The following USP25 variants were observed in gnomAD, a reference collection of about 807,000 sequenced individuals.
USP25 encodes ubiquitin carboxyl-terminal hydrolase 25.
In USP25, 85 loss-of-function variants were observed where a neutral mutation model predicts 158.5. That is an observed-to-expected ratio of 0.54 (90% confidence interval 0.45 to 0.64). USP25 has a LOEUF of 0.64. Ranked by LOEUF, USP25 falls within the 30% of genes least tolerant of loss-of-function variation. The pLI, the probability that USP25 is intolerant of heterozygous loss-of-function variation, is 0.00. For synonymous variants in USP25, 464 were observed against 460.4 expected, an observed-to-expected ratio of 1.01 and a Z score of -0.10; for missense variants, 1,242 against 1,327.3, an observed-to-expected ratio of 0.94 and a Z score of 1.00.
intron 14 of USP25, among the ~76,000 whole-genome samples, chr21:15,827,519 A>G (rs575328461): frequency 5.3e-5 from 8 of 152,344 alleles, no homozygotes; most frequent in African/African-American, 1.9e-4. Flanking sequence ...ATGTCATACA[A>G]TATCAATGTT....
chr21:15,825,593 T>C (rs1229620690), intron 12 of USP25, among the ~76,000 whole-genome samples: 1 of 152,126 alleles, frequency 6.6e-6, no homozygotes, highest in African/African-American at 2.4e-5. Flanking sequence ...TCTATTGATT[T>C]GGATCATTTC....
At chr21:15,775,314 C>G (rs1422939308) in intron 3 of USP25, among the ~76,000 whole-genome samples, 10 of 152,190 alleles carry the variant, frequency 6.6e-5, no homozygotes, top group Admixed American at 6.5e-4. Flanking sequence ...AGTAAACATT[C>G]TAGAAATTTT....
rs932176268 is a variant in USP25 at position 15,816,484 on chromosome 21, T to C, written c.932-2214T>C. On this transcript the variant is annotated intron_variant, in intron 9 of 25. Coordinates refer to ENST00000400183, the MANE Select transcript of USP25 (RefSeq NM_001283041.3). This position sits in a 1 kb window ranked among gnomAD's most constrained non-coding sequence, Gnocchi z 4.0. ...CCTTAAAAACACATTTCTCTGGCTT[T>C]TGTAACACCATATTCTTGTGGCTTT... Among the ~76,000 whole-genome samples, 1 of 152,192 alleles carries C rather than the reference T, an allele frequency of 6.6e-6. No individual in the cohort carries two copies. Among genetic ancestry groups the C allele is most frequent in the Non-Finnish European group, 1.5e-5 (1 of 68,038 alleles).
intron 23 of USP25, among the ~76,000 whole-genome samples, chr21:15,872,408 C>A (rs1328007203): frequency 1.3e-5 from 2 of 152,278 alleles, no homozygotes; most frequent in East Asian, 3.9e-4. Flanking sequence ...CAGAGCAATT[C>A]TCAAAGAGGT....
At chr21:15,874,122 A>G (rs1353544730) in intron 23 of USP25, among the ~76,000 whole-genome samples, 1 of 152,188 alleles carries the variant, frequency 6.6e-6, no homozygotes, top group Non-Finnish European at 1.5e-5. Context: ...ATACCAAGGA[A>G]AACAGAACTA....
chr21:15,873,071 A>G (rs1212192579), intron 23 of USP25, among the ~76,000 whole-genome samples: 1 of 152,038 alleles, frequency 6.6e-6, no homozygotes, highest in Non-Finnish European at 1.5e-5. Flanking sequence ...TTTTGAGGTA[A>G]AAGTAATTCT....
At chr21:15,842,933 A>G (rs755675742) in intron 18 of USP25, among the ~76,000 whole-genome samples, 1 of 152,166 alleles carries the variant, frequency 6.6e-6, no homozygotes, top group Non-Finnish European at 1.5e-5. Context: ...TCATAATTTC[A>G]TGAAATGTGT....
chr21:15,771,399 G>A (rs2034342473), intron 3 of USP25, among the ~76,000 whole-genome samples: 1 of 152,122 alleles, frequency 6.6e-6, no homozygotes, highest in Non-Finnish European at 1.5e-5. Context: ...TGTGATTTTA[G>A]GTAGTGTGGA....
chr21:15,786,409 C>A (rs781139298), intron 4 of USP25, among the ~76,000 whole-genome samples: 1 of 152,078 alleles, frequency 6.6e-6, no homozygotes. Flanking sequence ...TCCGATTCAA[C>A]GGCATATTAA....
At position 15,856,636 on chromosome 21, in the gene USP25, TA is replaced by T. The variant is rs771126618; in HGVS notation, c.2547+6766del. Among the ~76,000 whole-genome samples, 153 of 142,786 alleles carry T rather than the reference TA, an allele frequency of 1.1e-3. 1 individual carries two copies. The highest frequency in any genetic ancestry group is 1.8e-3 in the Admixed American group (26 of 14,382). The allele number at this position is 142,786 out of a possible 152,430, so 93.7% of individuals were successfully genotyped here. ...ACAGGTGCCCGCTACCACGCCCGGC[TA>T]ATTTTTTGTATTTTTAGTAGAGACA... On this transcript the variant is annotated intron_variant, in intron 20 of 25. Transcript: ENST00000400183.
At chr21:15,833,047 A>G (rs538083434) in intron 16 of USP25, among the ~76,000 whole-genome samples, 1 of 151,962 alleles carries the variant, frequency 6.6e-6, no homozygotes, top group African/African-American at 2.4e-5. Context: ...GCAACAAAAA[A>G]CTTGGCTTTG....
chr21:15,770,808 T>A (rs1057040680), intron 3 of USP25, among the ~76,000 whole-genome samples: 15 of 152,178 alleles, frequency 9.9e-5, no homozygotes, highest in African/African-American at 3.4e-4. Flanking sequence ...AACACTCTTT[T>A]AAGAGAATCT....
At chr21:15,748,131 C>T (rs2032706219) in intron 1 of USP25, among the ~76,000 whole-genome samples, 1 of 152,086 alleles carries the variant, frequency 6.6e-6, no homozygotes, top group African/African-American at 2.4e-5. Context: ...GAGTAGATGT[C>T]AGAATTTTTC....
chr21:15,810,979 C>T (rs1391454561), intron 8 of USP25, among the ~76,000 whole-genome samples, 158 bp from the exon 9 acceptor site: 2 of 152,174 alleles, frequency 1.3e-5, no homozygotes, highest in East Asian at 3.9e-4. Context: ...AGAATAAGTA[C>T]CTTGTGCAAC....
intron 22 of USP25, among the ~76,000 whole-genome samples, chr21:15,866,582 A>T (rs1163713291): frequency 6.6e-6 from 1 of 152,110 alleles, no homozygotes; most frequent in African/African-American, 2.4e-5. Flanking sequence ...TTGGTTTTTT[A>T]TTTCAATACT....
chr21:15,876,135 A>G (rs1382780391), intron 24 of USP25: 1 of 152,198 alleles, frequency 6.6e-6, no homozygotes, highest in Non-Finnish European at 1.5e-5. Context: ...TAGGAGGAAC[A>G]AGGTTGGCTT....
At chr21:15,807,642 G>C (rs919384885) in intron 7 of USP25, among the ~76,000 whole-genome samples, 1 of 152,160 alleles carries the variant, frequency 6.6e-6, no homozygotes, top group Non-Finnish European at 1.5e-5. Flanking sequence ...TCCAATCTCT[G>C]TCTTCCTCTT....
At chr21:15,764,829 C>A (rs534280952) in intron 2 of USP25, among the ~76,000 whole-genome samples, 7 of 151,954 alleles carry the variant, frequency 4.6e-5, no homozygotes, top group Non-Finnish European at 1.0e-4. Context: ...AGTGGTGGTG[C>A]CTTTGAAACT....
chr21:15,750,382 A>G (rs2032913475), intron 1 of USP25, among the ~76,000 whole-genome samples: 1 of 151,426 alleles, frequency 6.6e-6, no homozygotes, highest in African/African-American at 2.4e-5. Flanking sequence ...GGTGCATGCC[A>G]CCGCGCCTGG....
Sources: gnomAD v4.1 joint callset for allele counts (sites outside exome capture counted in the v4.1 genomes callset) on GRCh38, gnomAD v4.1.1 for gene constraint, Gnocchi (gnomAD v3.1) non-coding constraint, MANE v1.5 for transcripts, NCBI Gene and HGNC (gene_info 2026-07-23, HGNC 2026-07-21) for gene names.